Variants in THSD7B observed in about 807,000 individuals in gnomAD.
THSD7B encodes the protein thrombospondin type 1 domain containing 7B, also known as thrombospondin type-1 domain-containing protein 7B.
A neutral mutation model predicts 213.6 loss-of-function variants in THSD7B; 138 were observed. The ratio of observed to expected loss-of-function variants is 0.65; its 90% confidence interval spans 0.56 to 0.74. The LOEUF (loss-of-function observed/expected upper bound fraction) is 0.74, where lower values mean the gene tolerates loss of function less well. THSD7B is among the 30% of genes least tolerant of loss of function. The pLI is 0.00. For missense variants in THSD7B, 1,931 were observed against 1,991.5 expected, an observed-to-expected ratio of 0.97 and a Z score of 0.58; for synonymous variants, 742 against 687.0, an observed-to-expected ratio of 1.08 and a Z score of -1.25.
chr2:137,269,375 A>G (rs1267744325), intron 10 of THSD7B, among the ~76,000 whole-genome samples: 1 of 152,210 alleles, frequency 6.6e-6, no homozygotes, highest in Non-Finnish European at 1.5e-5. Context: ...GCGAGTGTGT[A>G]CCGTATGTGT....
intron 15 of THSD7B, chr2:137,538,545 A>C: frequency 3.9e-6 from 2 of 507,556 alleles, no homozygotes; most frequent in Admixed American, 4.1e-5. Flanking sequence ...TAGTGAAAAG[A>C]AGCTTTGATG....
At chr2:136,811,573 TATC>T (rs1360747081) in intron 1 of THSD7B, among the ~76,000 whole-genome samples, 4 of 152,190 alleles carry the variant, frequency 2.6e-5, no homozygotes, top group African/African-American at 9.7e-5. Flanking sequence ...CCCAGTAGCT[TATC>T]ATTATGATTA....
chr2:137,570,347 C>T (rs1189535261), intron 16 of THSD7B, among the ~76,000 whole-genome samples: 2 of 151,832 alleles, frequency 1.3e-5, no homozygotes, highest in South Asian at 2.1e-4. Flanking sequence ...CTCGCCCTGT[C>T]GTCCAGGCTG....
intron 14 of THSD7B, among the ~76,000 whole-genome samples, chr2:137,448,876 G>A (rs1687595342): frequency 6.6e-6 from 1 of 152,054 alleles, no homozygotes; most frequent in Admixed American, 6.5e-5. Flanking sequence ...CTGAGAATCA[G>A]GTGGAATTGG....
At chr2:137,103,577 A>G (rs1688188197) in intron 4 of THSD7B, among the ~76,000 whole-genome samples, 1 of 152,216 alleles carries the variant, frequency 6.6e-6, no homozygotes, top group South Asian at 2.1e-4. Context: ...CAATTAAAAG[A>G]CACAGACTGG....
chr2:137,424,562 A>G (rs1157796212), intron 14 of THSD7B, among the ~76,000 whole-genome samples: 2 of 152,194 alleles, frequency 1.3e-5, no homozygotes, highest in African/African-American at 4.8e-5. Context: ...CCTGGGATGC[A>G]AAGATGTTTC....
intron 15 of THSD7B, among the ~76,000 whole-genome samples, chr2:137,485,954 T>A (rs1248284670): frequency 3.9e-5 from 6 of 152,122 alleles, no homozygotes; most frequent in Admixed American, 3.9e-4. Context: ...CTGAGAGATT[T>A]TGTCACCACC....
At chr2:137,132,110 G>A (rs1302047578) in intron 5 of THSD7B, among the ~76,000 whole-genome samples, 2 of 149,548 alleles carry the variant, frequency 1.3e-5, no homozygotes, top group Non-Finnish European at 3.0e-5. Flanking sequence ...CTTGTAAGTT[G>A]GATTCCTAGG....
At chr2:137,155,550 A>G (rs140517519) in intron 5 of THSD7B, among the ~76,000 whole-genome samples, 11 of 152,318 alleles carry the variant, frequency 7.2e-5, no homozygotes, top group African/African-American at 2.6e-4. Context: ...AGTAAATTCC[A>G]TAGATCACCC....
chr2:137,149,054 G>T (rs1679762500), intron 5 of THSD7B, among the ~76,000 whole-genome samples: 1 of 152,104 alleles, frequency 6.6e-6, no homozygotes, highest in African/African-American at 2.4e-5. Flanking sequence ...GGGCACTCCT[G>T]CTCTATGCAG....
chr2:137,172,213 T>C (rs961607066), intron 7 of THSD7B, among the ~76,000 whole-genome samples: 2 of 152,182 alleles, frequency 1.3e-5, no homozygotes, highest in African/African-American at 4.8e-5. Flanking sequence ...TCATAGTTGG[T>C]CTTTAATCGT....
intron 1 of THSD7B, among the ~76,000 whole-genome samples, chr2:136,838,707 A>G (rs1682877647): frequency 6.6e-6 from 1 of 152,190 alleles, no homozygotes; most frequent in Non-Finnish European, 1.5e-5. Context: ...CTTTCTTGGC[A>G]TCTGACTGGG....
At chr2:137,080,162 A>G (rs938475682) in intron 3 of THSD7B, among the ~76,000 whole-genome samples, 1 of 148,438 alleles carries the variant, frequency 6.7e-6, no homozygotes, top group Admixed American at 6.8e-5. Context: ...AAATATATGT[A>G]AATATATGTG....
At position 137,401,441 on chromosome 2, in the gene THSD7B, A is replaced by G. The variant is rs1248986217; in HGVS notation, c.2501-4172A>G. On this transcript the variant is annotated intron_variant, in intron 12 of 27. Transcript: ENST00000409968. ...AGTAATTAAATTAATGTTTATGAAT[A>G]AAATGATTGCTTTTATACTAGAACG... Among the ~76,000 whole-genome samples the G allele has an allele frequency of 2.6e-5, 4 of 152,250 alleles. No homozygotes were observed. In the East Asian group the frequency reaches 5.8e-4, roughly 22 times the overall value.
chr2:137,537,991 G>T (rs1224422139), intron 15 of THSD7B, among the ~76,000 whole-genome samples: 2 of 151,686 alleles, frequency 1.3e-5, no homozygotes, highest in African/African-American at 4.8e-5. Flanking sequence ...AAGATACATG[G>T]TTGAAGAAGA....
chr2:136,946,868 A>G (rs111645458), intron 2 of THSD7B, among the ~76,000 whole-genome samples: 11,264 of 152,078 alleles, frequency 0.074, 672 homozygotes, highest in African/African-American at 0.16. Context: ...GGAGTGTCTC[A>G]TTTTTCCAGG....
At chr2:137,518,029 T>C (rs568615287) in intron 15 of THSD7B, among the ~76,000 whole-genome samples, 91 of 151,430 alleles carry the variant, frequency 6.0e-4, no homozygotes, top group African/African-American at 2.1e-3. Flanking sequence ...CAAATGGAAG[T>C]GGTTGGGCTT....
At chr2:136,899,565 G>A (rs960924896) in intron 2 of THSD7B, among the ~76,000 whole-genome samples, 6 of 152,092 alleles carry the variant, frequency 3.9e-5, no homozygotes, top group African/African-American at 1.5e-4. Context: ...GTTTCATAAA[G>A]TTCACAAGGA....
chr2:137,515,483 T>G (rs1680050572), intron 15 of THSD7B, among the ~76,000 whole-genome samples: 2 of 152,052 alleles, frequency 1.3e-5, no homozygotes, highest in South Asian at 4.2e-4. Flanking sequence ...CTCCTACAGG[T>G]GAGGTTCAGA....
Sources: allele counts gnomAD v4.1 joint callset (sites outside exome capture counted in the v4.1 genomes callset), GRCh38; gene constraint gnomAD v4.1.1; transcripts MANE v1.5; gene names NCBI Gene and HGNC (gene_info 2026-07-23, HGNC 2026-07-21).